The following AGBL1 variants were observed in gnomAD, a reference collection of about 807,000 sequenced individuals.
AGBL1 encodes cytosolic carboxypeptidase 4.
In AGBL1, 130 loss-of-function variants were observed where a neutral mutation model predicts 118.9. The ratio of observed to expected loss-of-function variants is 1.09; its 90% CI spans 0.95 to 1.26. The LOEUF is 1.26. Ranked by LOEUF, AGBL1 falls within the 50% of genes most tolerant of loss-of-function variation. The pLI is 0.00. For missense variants in AGBL1, 1,584 were observed against 1,298.1 expected (o/e 1.22, Z -3.38); for synonymous variants, 555 against 478.9 (o/e 1.16, Z -2.08).
chr15:86,324,507 C>T (rs1019852481), intron 17 of AGBL1, among the ~76,000 whole-genome samples: 5 of 152,084 alleles, frequency 3.3e-5, no homozygotes, highest in Non-Finnish European at 7.3e-5. Context: ...GTTTATACGG[C>T]ATTCATTCAT....
intron 22 of AGBL1, among the ~76,000 whole-genome samples, chr15:86,788,943 A>G (rs1181913416): frequency 6.6e-6 from 1 of 152,234 alleles, no homozygotes; most frequent in Non-Finnish European, 1.5e-5. Context: ...TCATAGAAAA[A>G]GAAGTAATGG....
intron 15 of AGBL1, 43 bp from the exon 16 acceptor site, chr15:86,279,596 C>G (rs1378586133): frequency 6.3e-7 from 1 of 1,593,572 alleles, no homozygotes; most frequent in Non-Finnish European, 8.6e-7. Context: ...ACCCCCCTCC[C>G]ACCTCTCCCT....
chr15:86,082,457 C>G (rs946795761), intron 1 of AGBL1, among the ~76,000 whole-genome samples: 2 of 152,120 alleles, frequency 1.3e-5, no homozygotes, highest in Non-Finnish European at 2.9e-5. Context: ...GTCTCAGTTC[C>G]CATGTCTTTT....
intron 6 of AGBL1, among the ~76,000 whole-genome samples, chr15:86,226,487 C>A (rs1225550825): frequency 6.6e-6 from 1 of 152,192 alleles, no homozygotes; most frequent in Non-Finnish European, 1.5e-5. Flanking sequence ...TCTACATACA[C>A]ACTTTCCTTA....
chr15:86,686,584 T>G (rs996844225), intron 22 of AGBL1, among the ~76,000 whole-genome samples: 23 of 151,708 alleles, frequency 1.5e-4, no homozygotes, highest in Non-Finnish European at 1.8e-4. Flanking sequence ...ATTACAGGTG[T>G]GTGCTACCAC....
intron 23 of AGBL1, among the ~76,000 whole-genome samples, chr15:86,971,799 C>A (rs1432913405): frequency 6.6e-6 from 1 of 151,818 alleles, no homozygotes; most frequent in Non-Finnish European, 1.5e-5. Context: ...CCCCATAATC[C>A]CCATAATCCC....
At chr15:86,324,625 T>C (rs145329580) in intron 17 of AGBL1, among the ~76,000 whole-genome samples, 2 of 152,310 alleles carry the variant, frequency 1.3e-5, no homozygotes, top group Non-Finnish European at 2.9e-5. Context: ...TTCACACTAA[T>C]GGGAGACAGT....
chr15:86,307,749 G>C (rs899372461), intron 17 of AGBL1, among the ~76,000 whole-genome samples: 1 of 151,686 alleles, frequency 6.6e-6, no homozygotes, highest in African/African-American at 2.4e-5. Context: ...AAAAAAATTA[G>C]GTCTTCTCTA....
At chr15:86,126,564 C>G (rs931522160) in intron 1 of AGBL1, among the ~76,000 whole-genome samples, 8 of 152,288 alleles carry the variant, frequency 5.3e-5, no homozygotes, top group South Asian at 4.1e-4. Flanking sequence ...GAAATGAGAC[C>G]TCTCTAGGAG....
intron 5 of AGBL1, among the ~76,000 whole-genome samples, chr15:86,217,929 T>C (rs1424834660): frequency 6.6e-6 from 1 of 152,210 alleles, no homozygotes; most frequent in Non-Finnish European, 1.5e-5. Flanking sequence ...ACCACTCTAG[T>C]TGCAGACTGG....
intron 9 of AGBL1, among the ~76,000 whole-genome samples, chr15:86,261,906 G>C (rs1373088136): frequency 1.3e-5 from 2 of 152,010 alleles, no homozygotes; most frequent in Non-Finnish European, 2.9e-5. Flanking sequence ...GAGAATACCA[G>C]CTCCTCCCCA....
At position 86,284,233 on chromosome 15, in the gene AGBL1, C is replaced by A. The variant is rs1200675253; in HGVS notation, c.2220+4450C>A. Among the ~76,000 whole-genome samples the A allele has an allele frequency of 2.7e-5, 4 of 149,486 alleles. No homozygotes were observed. The East Asian group carries it at 7.8e-4, about 29-fold the overall frequency. On this transcript the variant is annotated intron_variant, in intron 16 of 22. Transcript: ENST00000614907. ...ATGGAAGACCCCTCCTCAAAAATTACAAAGGCTACTGATGGTTTTCTTGGG... is the reference window on the plus strand; with the variant it reads ...ATGGAAGACCCCTCCTCAAAAATTAAAAAGGCTACTGATGGTTTTCTTGGG...
intron 16 of AGBL1, among the ~76,000 whole-genome samples, chr15:86,288,726 A>G (rs538488934): frequency 1.1e-4 from 17 of 152,124 alleles, no homozygotes; most frequent in Non-Finnish European, 2.1e-4. Context: ...TGTCTACAAA[A>G]ACAATATTGT....
intron 1 of AGBL1, among the ~76,000 whole-genome samples, chr15:86,134,016 C>T (rs180940734): frequency 6.6e-6 from 1 of 152,288 alleles, no homozygotes; most frequent in East Asian, 1.9e-4. Context: ...TTCTAAAACA[C>T]TTCTTTCTTA....
In AGBL1 at chr15:86,828,326, A is replaced by G. The variant is rs373665308; in HGVS notation, c.3159-78761A>G. 7.9e-5 allele frequency among the ~76,000 whole-genome samples: 12 copies of G among 152,212 alleles called. No individual in the cohort carries two copies. The South Asian group carries it at 1.9e-3, about 24-fold the overall frequency. ...AACCCCCAAATATGTCCATGTCACAATCTCAGAAATCTATAAATTTTAATG... is the reference window on the plus strand; with the variant it reads ...AACCCCCAAATATGTCCATGTCACAGTCTCAGAAATCTATAAATTTTAATG... On this transcript the variant is annotated intron_variant, in intron 22 of 22. Coordinates refer to ENST00000614907, the MANE Select transcript of AGBL1 (RefSeq NM_001386094.1).
intron 5 of AGBL1, among the ~76,000 whole-genome samples, chr15:86,191,074 T>G (rs1956412851): frequency 6.6e-6 from 1 of 151,942 alleles, no homozygotes; most frequent in African/African-American, 2.4e-5. Flanking sequence ...CCGGGTGTGG[T>G]GGAACACGTC....
At chr15:86,550,426 A>G (rs1363315621) in intron 20 of AGBL1, among the ~76,000 whole-genome samples, 1 of 152,160 alleles carries the variant, frequency 6.6e-6, no homozygotes, top group Non-Finnish European at 1.5e-5. Context: ...TTAAAAGTTA[A>G]AAGATGGGAA....
intron 18 of AGBL1, among the ~76,000 whole-genome samples, chr15:86,478,443 A>C (rs1412242418): frequency 1.3e-5 from 2 of 152,114 alleles, no homozygotes; most frequent in East Asian, 3.9e-4. Context: ...CAATAAGAGA[A>C]AAACGGAGAG....
chr15:86,183,555 A>G (rs746867843), intron 5 of AGBL1, among the ~76,000 whole-genome samples: 2 of 152,158 alleles, frequency 1.3e-5, no homozygotes, highest in Non-Finnish European at 2.9e-5. Context: ...TAAAAACAGA[A>G]ATGACTAAAT....
Sources: gnomAD v4.1 joint callset for allele counts (sites outside exome capture counted in the v4.1 genomes callset) on GRCh38, gnomAD v4.1.1 for gene constraint, MANE v1.5 for transcripts, NCBI Gene and HGNC (gene_info 2026-07-23, HGNC 2026-07-21) for gene names.